Variants in CFAP20DC observed in about 807,000 individuals in gnomAD.
The protein encoded by CFAP20DC is CFAP20 domain containing, also known as protein CFAP20DC.
Under a neutral mutation model 101.7 loss-of-function variants are expected in CFAP20DC, and 84 were observed. That is an observed-to-expected ratio of 0.83 (90% CI 0.69 to 0.99). The LOEUF (loss-of-function observed/expected upper bound fraction) is 0.99. CFAP20DC is among the 50% of genes least tolerant of loss of function. CFAP20DC has a pLI of 0.00. For synonymous variants in CFAP20DC, 359 were observed against 351.2 expected (o/e 1.02, Z -0.25); for missense variants, 1,007 against 970.3 (o/e 1.04, Z -0.50).
chr3:58,949,543 C>A (rs1162202709), intron 4 of CFAP20DC, among the ~76,000 whole-genome samples: 1 of 152,034 alleles, frequency 6.6e-6, no homozygotes, highest in Non-Finnish European at 1.5e-5. Flanking sequence ...CGTTATGTAT[C>A]CAGTAGTCAT....
intron 6 of CFAP20DC, among the ~76,000 whole-genome samples, chr3:58,898,084 T>TC (rs1210155673): frequency 1.3e-5 from 2 of 152,182 alleles, no homozygotes; most frequent in Middle Eastern, 3.2e-3. Flanking sequence ...TTCCTTTTTT[T>TC]CCCTCTATTC....
intron 4 of CFAP20DC, among the ~76,000 whole-genome samples, chr3:59,024,517 G>A (rs1394011184): frequency 6.6e-6 from 1 of 152,038 alleles, no homozygotes; most frequent in Admixed American, 6.6e-5. Flanking sequence ...AAGTGCTATT[G>A]TAAGATATGT....
intron 15 of CFAP20DC, among the ~76,000 whole-genome samples, chr3:58,772,579 T>C (rs2070946039): frequency 6.6e-6 from 1 of 152,122 alleles, no homozygotes; most frequent in Non-Finnish European, 1.5e-5. Context: ...CTGCTAGAAA[T>C]TAGCTGTAAA....
rs9828615 is a variant in CFAP20DC at position 58,733,684 on chromosome 3, C to T, written c.198-16056G>A. On this transcript the variant is annotated intron_variant, in intron 3 of 3. Coordinates refer to the CFAP20DC transcript ENST00000486145. Reference sequence around the variant, plus strand: ...TTATTTTAATCATATGGGTCAGACCCGAAATATTACAAATACTAAATAAAT... The same window carrying T: ...TTATTTTAATCATATGGGTCAGACCTGAAATATTACAAATACTAAATAAAT... Among the ~76,000 whole-genome samples, 1,521 of 152,190 alleles carry T rather than the reference C, an allele frequency of 1.0e-2. 24 individuals are homozygous for T. Among genetic ancestry groups the T allele is most frequent in the African/African-American group, 0.035 (1,465 of 41,522 alleles).
intron 15 of CFAP20DC, among the ~76,000 whole-genome samples, chr3:58,772,950 G>T (rs972142666): frequency 2.6e-5 from 4 of 151,888 alleles, no homozygotes; most frequent in African/African-American, 7.3e-5. Flanking sequence ...TGTAGGGTTG[G>T]GCATGGGAGG....
Position 58,882,199 on chromosome 3 carries a change from C to T in CFAP20DC, c.715+2346G>A, listed in dbSNP as rs1290797480. Among the ~76,000 whole-genome samples, 2 of 151,984 alleles carry T rather than the reference C, an allele frequency of 1.3e-5. No individual in the cohort carries two copies. Among genetic ancestry groups the T allele is most frequent in the South Asian group, 2.1e-4 (1 of 4,818 alleles). ...CAAGTTCACTACTATGCATTGAGAG[C>T]CCTTTTATGGAAATTGCAAAATATA... On this transcript the variant is annotated intron_variant, in intron 7 of 16. Coordinates refer to ENST00000482387, the MANE Select transcript of CFAP20DC (RefSeq NM_001394063.1). The surrounding 1 kb of genome is among the most constrained non-coding windows in gnomAD (Gnocchi z 4.2).
intron 4 of CFAP20DC, among the ~76,000 whole-genome samples, chr3:58,978,281 T>C (rs1370480896): frequency 6.6e-6 from 1 of 152,162 alleles, no homozygotes; most frequent in South Asian, 2.1e-4. Context: ...ATACTTCCCA[T>C]CTTCTTTCTA....
chr3:58,734,349 A>G (rs1156338569), intron 3 of CFAP20DC: 6 of 332,600 alleles, frequency 1.8e-5, no homozygotes, highest in Admixed American at 1.2e-4. Context: ...GTGCCCATAT[A>G]TACTTTCAGG....
intron 4 of CFAP20DC, among the ~76,000 whole-genome samples, chr3:59,004,161 C>T (rs1357635975): frequency 1.3e-5 from 2 of 152,098 alleles, no homozygotes; most frequent in African/African-American, 4.8e-5. Flanking sequence ...CAGGAATTTT[C>T]ATCTGTTTTG....
intron 5 of CFAP20DC, among the ~76,000 whole-genome samples, chr3:58,932,792 A>C (rs1312175103): frequency 6.6e-6 from 1 of 152,240 alleles, no homozygotes; most frequent in Non-Finnish European, 1.5e-5. Context: ...ATGGAAAGGA[A>C]CAACCAGTAC....
At position 59,001,410 on chromosome 3, in the gene CFAP20DC, T is replaced by TTC. The variant is rs1408344724; in HGVS notation, c.278+38145_278+38146dup. Among the ~76,000 whole-genome samples the TTC allele has an allele frequency of 6.6e-6, 1 of 152,010 alleles. No homozygotes were observed. The highest frequency in any genetic ancestry group is 1.5e-5 in the Non-Finnish European group (1 of 67,986). On this transcript the variant is annotated intron_variant, in intron 4 of 16. Transcript: ENST00000482387. The surrounding 1 kb of genome is among the most constrained non-coding windows in gnomAD (Gnocchi z 4.5). ...CCTCTCTCCCTCTCTCCCTCTCTCCTTCTCTCTCTCCTCTCTTAAGTTTCA... is the reference window on the plus strand; with the variant it reads ...CCTCTCTCCCTCTCTCCCTCTCTCCTTCTCTCTCTCTCCTCTCTTAAGTTTCA...
chr3:58,795,502 G>A lies in CFAP20DC; in HGVS notation c.2237+10893C>T, dbSNP rs1011243842. ...AAAAAAATCAGCTTGGCTTGTGCCT[G>A]TGGTCTCGGCTACATGGGAAGCTGG... On this transcript the variant is annotated intron_variant, in intron 15 of 16. Transcript: ENST00000482387. This position sits in a 1 kb window ranked among gnomAD's most constrained non-coding sequence, Gnocchi z 4.2. Among the ~76,000 whole-genome samples the A allele has an allele frequency of 6.6e-5, 10 of 152,198 alleles. No individual in the cohort carries two copies. The highest frequency in any genetic ancestry group is 2.2e-4 in the African/African-American group (9 of 41,448).
At chr3:58,886,402 C>CT (rs2081630493) in intron 6 of CFAP20DC, among the ~76,000 whole-genome samples, 1 of 152,056 alleles carries the variant, frequency 6.6e-6, no homozygotes, top group Non-Finnish European at 1.5e-5. Flanking sequence ...ACAAAAAACT[C>CT]TATCTCAACC....
At chr3:58,846,058 TACTGAATGGGCAAAA>T (rs2077609831) in intron 13 of CFAP20DC, among the ~76,000 whole-genome samples, 1 of 148,146 alleles carries the variant, frequency 6.8e-6, no homozygotes, top group Non-Finnish European at 1.5e-5. Context: ...GCCAATATCA[TACTGAATGGGCAAAA>T]ACTGGAAGCA....
intron 12 of CFAP20DC, chr3:58,862,181 TA>T (rs757955540): frequency 4.4e-5 from 43 of 975,046 alleles, no homozygotes; most frequent in Non-Finnish European, 5.2e-5. Context: ...TGCCCACTAT[TA>T]GAGTAATGCT....
intron 4 of CFAP20DC, among the ~76,000 whole-genome samples, chr3:58,945,049 A>G (rs1269602805): frequency 6.6e-6 from 1 of 152,228 alleles, no homozygotes; most frequent in Non-Finnish European, 1.5e-5. Context: ...CAATGTATTA[A>G]GCACTCTATA....
chr3:58,848,230 A>T (rs758895565), intron 13 of CFAP20DC, among the ~76,000 whole-genome samples: 2 of 151,950 alleles, frequency 1.3e-5, no homozygotes, highest in Admixed American at 1.3e-4. Context: ...AATATTAGCT[A>T]CTTCTATTTT....
chr3:58,793,934 T>C (rs1299066111), intron 15 of CFAP20DC, among the ~76,000 whole-genome samples: 1 of 152,252 alleles, frequency 6.6e-6, no homozygotes, highest in African/African-American at 2.4e-5. Flanking sequence ...ACTCTTCTTT[T>C]CTTGCAACAG....
intron 6 of CFAP20DC, among the ~76,000 whole-genome samples, chr3:58,888,078 AC>A (rs1261281615): frequency 2.0e-5 from 3 of 152,172 alleles, no homozygotes; most frequent in African/African-American, 7.2e-5. Flanking sequence ...CTAACCAATC[AC>A]CATCTTTTCT....
Sources: gnomAD v4.1 joint callset for allele counts (sites outside exome capture counted in the v4.1 genomes callset) on GRCh38, gnomAD v4.1.1 for gene constraint, Gnocchi (gnomAD v3.1) non-coding constraint, MANE v1.5 for transcripts, NCBI Gene and HGNC (gene_info 2026-07-23, HGNC 2026-07-21) for gene names.